The following CAST variants were observed in gnomAD, a reference collection of about 807,000 sequenced individuals.
The protein encoded by CAST is calpastatin.
In CAST, 76 loss-of-function variants were observed where a neutral mutation model predicts 119.6. The observed-to-expected ratio is 0.64, with a 90% CI of 0.53 to 0.77. The LOEUF is 0.77. Among genes scored for constraint, CAST ranks in the 30% least tolerant of loss-of-function variants. The probability of loss-of-function intolerance (pLI) is 0.00; values close to 1 mark genes in which losing one functional copy is unlikely to be tolerated. For synonymous variants in CAST, 319 were observed against 331.6 expected (o/e 0.96, Z 0.41); for missense variants, 953 against 946.5 (o/e 1.01, Z -0.09).
the CAST span, among the ~76,000 whole-genome samples, chr5:96,105,913 T>C: frequency 6.6e-6 from 1 of 152,164 alleles, no homozygotes; most frequent in Non-Finnish European, 1.5e-5. Flanking sequence ...TAATTTCAGA[T>C]CCTGTTATTG....
At chr5:96,674,749 A>G (rs1429837021) in intron 1 of CAST, among the ~76,000 whole-genome samples, 1 of 152,238 alleles carries the variant, frequency 6.6e-6, no homozygotes, top group African/African-American at 2.4e-5. Flanking sequence ...TCTATTGCAC[A>G]GTAGGGTGAC....
At chr5:96,590,393 C>G (rs1746942204) in intron 1 of CAST, among the ~76,000 whole-genome samples, 2 of 152,146 alleles carry the variant, frequency 1.3e-5, no homozygotes, top group Non-Finnish European at 1.5e-5. Flanking sequence ...GGCTGTTGTG[C>G]TGCAAATGGT....
chr5:96,314,041 G>C, the CAST span, among the ~76,000 whole-genome samples: 1 of 152,082 alleles, frequency 6.6e-6, no homozygotes, highest in African/African-American at 2.4e-5. Context: ...AATATACATG[G>C]CTTCTGTATG....
At chr5:96,008,908 T>C in the CAST span, among the ~76,000 whole-genome samples, 1 of 152,224 alleles carries the variant, frequency 6.6e-6, no homozygotes, top group Non-Finnish European at 1.5e-5. Flanking sequence ...GTTTGGAGTA[T>C]GGATCCCATC....
intron 1 of CAST, among the ~76,000 whole-genome samples, chr5:96,605,984 G>A (rs1031214692): frequency 1.3e-5 from 2 of 152,080 alleles, no homozygotes; most frequent in African/African-American, 2.4e-5. Context: ...TGCTACTGGC[G>A]GTAAGATTTA....
At chr5:96,035,859 G>C in the CAST span, among the ~76,000 whole-genome samples, 1 of 151,918 alleles carries the variant, frequency 6.6e-6, no homozygotes, top group African/African-American at 2.4e-5. Context: ...TAGGATGTGC[G>C]CACTGTGTTT....
the CAST span, among the ~76,000 whole-genome samples, chr5:96,137,846 C>T: frequency 6.6e-6 from 1 of 151,998 alleles, no homozygotes; most frequent in East Asian, 1.9e-4. Flanking sequence ...GTCTGTTTTC[C>T]TATTGTTGAT....
At chr5:96,158,782 A>G in the CAST span, among the ~76,000 whole-genome samples, 2 of 152,358 alleles carry the variant, frequency 1.3e-5, no homozygotes, top group Admixed American at 6.5e-5. Flanking sequence ...TGAAAAATTG[A>G]TAAATGTGTA....
the CAST span, among the ~76,000 whole-genome samples, chr5:96,359,245 G>T: frequency 1.3e-5 from 2 of 152,114 alleles, no homozygotes; most frequent in Non-Finnish European, 2.9e-5. Context: ...TGTGAGATAG[G>T]TCTCCTGAAT....
chr5:96,592,414 GA>G lies in CAST; in HGVS notation c.60+62538del, dbSNP rs546027302. Among the ~76,000 whole-genome samples the G allele has an allele frequency of 2.3e-3, 350 of 152,110 alleles. 3 individuals are homozygous for G. The highest frequency in any genetic ancestry group is 8.2e-3 in the African/African-American group (339 of 41,498). On this transcript the variant is annotated intron_variant, in intron 1 of 11. Coordinates refer to the CAST transcript ENST00000505143. Reference sequence around the variant, plus strand: ...AGACTTTGTCTCAAAAAAAGGGGGGGAAAACCCAGCTATAGCAATTGTCATT... The same window carrying G: ...AGACTTTGTCTCAAAAAAAGGGGGGGAAACCCAGCTATAGCAATTGTCATT...
chr5:96,416,988 G>T, the CAST span, among the ~76,000 whole-genome samples: 1 of 152,142 alleles, frequency 6.6e-6, no homozygotes, highest in Non-Finnish European at 1.5e-5. Flanking sequence ...TTTATTTCGT[G>T]ATTTTATTCT....
At chr5:96,218,123 G>A in the CAST span, among the ~76,000 whole-genome samples, 22 of 152,228 alleles carry the variant, frequency 1.4e-4, no homozygotes, top group Admixed American at 2.0e-4. Context: ...AAAAGGTTTT[G>A]CATGGGTTCA....
the CAST span, among the ~76,000 whole-genome samples, chr5:96,382,323 T>C: frequency 6.6e-6 from 1 of 152,282 alleles, no homozygotes; most frequent in East Asian, 1.9e-4. Flanking sequence ...GTGCTACTAC[T>C]GTATTTCCCT....
chr5:95,968,789 T>G, the CAST span, among the ~76,000 whole-genome samples: 1 of 152,310 alleles, frequency 6.6e-6, no homozygotes, highest in Admixed American at 6.5e-5. Flanking sequence ...GAACGTTTGC[T>G]TTTGCCTTGG....
chr5:96,312,328 A>T, the CAST span, among the ~76,000 whole-genome samples: 1 of 152,090 alleles, frequency 6.6e-6, no homozygotes, highest in East Asian at 1.9e-4. Context: ...GTCCTCTAAG[A>T]TACCTCAGAT....
rs1561408763 is a variant in CAST at position 96,534,719 on chromosome 5, GA to G, written c.60+4840del. Among the ~76,000 whole-genome samples, 17 of 11,102 alleles carry G rather than the reference GA, an allele frequency of 1.5e-3. 1 individual carries two copies. The highest frequency in any genetic ancestry group is 9.1e-3 in the Admixed American group (9 of 984). The allele number at this position is 11,102 out of a possible 152,430, so 7.3% of individuals were successfully genotyped here. A position where few individuals can be genotyped will look rare whatever the true frequency, so the allele number is the denominator to read the frequency against. On this transcript the variant is annotated intron_variant, in intron 1 of 11. Coordinates refer to the CAST transcript ENST00000505143. ...GGAAGGAAGGAAGGAAGGAAGGAGA[GA>G]GAGAGAGAGAGAGAGAGAGAGAAAG...
intron 2 of CAST, among the ~76,000 whole-genome samples, chr5:96,678,225 A>G (rs1750930820): frequency 6.6e-6 from 1 of 152,190 alleles, no homozygotes; most frequent in Non-Finnish European, 1.5e-5. Context: ...TGTTGAACAA[A>G]ACGTGAGACT....
At chr5:96,366,443 T>C in the CAST span, among the ~76,000 whole-genome samples, 2 of 152,240 alleles carry the variant, frequency 1.3e-5, no homozygotes, top group South Asian at 4.1e-4. Flanking sequence ...GGTTCCATTC[T>C]CCCCATCACT....
At chr5:96,152,168 A>G in the CAST span, among the ~76,000 whole-genome samples, 47,162 of 152,080 alleles carry the variant, frequency 0.31, 7,431 homozygotes, top group East Asian at 0.37. Context: ...TAAGATGTCA[A>G]TGACTCCATC....
Sources: allele counts gnomAD v4.1 joint callset (sites outside exome capture counted in the v4.1 genomes callset), GRCh38; gene constraint gnomAD v4.1.1; transcripts MANE v1.5; gene names NCBI Gene and HGNC (gene_info 2026-07-23, HGNC 2026-07-21).